SVEP1: variants seen among roughly 807,000 people sequenced by gnomAD.
SVEP1 encodes sushi, von Willebrand factor type A, EGF and pentraxin domain containing 1.
SVEP1 carries 164 observed loss-of-function variants against 367.3 expected under a neutral mutation model. The observed-to-expected ratio is 0.45, with a 90% CI of 0.39 to 0.51. SVEP1 has a LOEUF of 0.51. Ranked by LOEUF, SVEP1 falls within the 20% of genes least tolerant of loss-of-function variation. The probability of loss-of-function intolerance (pLI) is 0.00; values close to 1 mark genes in which losing one functional copy is unlikely to be tolerated. For missense variants in SVEP1, 4,117 were observed against 4,425.3 expected (o/e 0.93, Z 1.98); for synonymous variants, 1,666 against 1,611.6 (o/e 1.03, Z -0.81).
Position 110,377,352 on chromosome 9 carries a change from G to A in SVEP1, c.10423C>T (p.Pro3475Ser), listed in dbSNP as rs769114581. ...PPICRAVCRF[P>S]CQNGGICQRP... ...TGGCAGATGCCCCCATTCTGACATG[G>A]AAATCGACAGACAGCTGGAAAAGAA... Residue 3475 changes from proline (P) to serine (S), a missense_variant, in exon 45 of 48, where the codon CCA becomes TCA. Pro to Ser is a moderately conservative substitution (Grantham distance 74). Transcript: ENST00000374469. The A allele has an allele frequency of 6.2e-7, 1 of 1,613,738 alleles. No individual in the cohort carries two copies.
In SVEP1 at chr9:110,577,249, A is replaced by G. The variant is rs1356311297; in HGVS notation, c.531+1764T>C. ...ACTACCAGATATTTAAATATGTTGTAAAGTTACAATAGTTAAAACATTTTG... is the reference window on the plus strand; with the variant it reads ...ACTACCAGATATTTAAATATGTTGTGAAGTTACAATAGTTAAAACATTTTG... On this transcript the variant is annotated intron_variant, in intron 1 of 47. Transcript: ENST00000374469. 1.3e-5 allele frequency among the ~76,000 whole-genome samples: 2 copies of G among 152,140 alleles called. 1 individual carries two copies. Among genetic ancestry groups the G allele is most frequent in the South Asian group, 4.1e-4 (2 of 4,830 alleles).
chr9:110,561,679 T>C (rs1190389430), intron 1 of SVEP1, among the ~76,000 whole-genome samples: 1 of 152,202 alleles, frequency 6.6e-6, no homozygotes, highest in Non-Finnish European at 1.5e-5. Context: ...TTACCAATTG[T>C]ATTATTTGAT....
chr9:110,486,628 T>C (rs1829281109), intron 9 of SVEP1, among the ~76,000 whole-genome samples: 1 of 148,704 alleles, frequency 6.7e-6, no homozygotes, highest in African/African-American at 2.5e-5. Context: ...TCCTTCTCCT[T>C]CCTTCTCTTT....
chr9:110,570,467 CGTGT>C (rs59503025), intron 1 of SVEP1, among the ~76,000 whole-genome samples: 15,571 of 146,870 alleles, frequency 0.11, 975 homozygotes, highest in East Asian at 0.31. Flanking sequence ...GTTTCTGTTG[CGTGT>C]GTGTGTGTGT....
chr9:110,560,608 C>A (rs956661838), intron 1 of SVEP1, among the ~76,000 whole-genome samples: 2 of 152,118 alleles, frequency 1.3e-5, no homozygotes, highest in African/African-American at 4.8e-5. Flanking sequence ...CAGTATACAC[C>A]TCTGTCTGAA....
Position 110,549,993 on chromosome 9 carries a change from C to T in SVEP1, c.643G>A (p.Gly215Arg). The T allele has an allele frequency of 6.2e-7, 1 of 1,613,876 alleles. No homozygotes were observed. The highest frequency in any genetic ancestry group is 1.1e-5 in the South Asian group (1 of 91,078). ...ATGCCAAAAGTGAAGATCTCCACTC[C>T]TGAATCTCGCAGTGACGCTGCAATT... is the stretch of plus-strand genomic sequence containing the variant. ...RPIAASLRDS[G>R]VEIFTFGIWQ... is the part of the protein sequence containing the mutation. Residue 215 changes from glycine (G) to arginine (R), a missense_variant, in exon 2 of 48, where the codon GGA (glycine) becomes AGA (arginine). Gly to Arg is a moderately radical substitution (Grantham distance 125). Transcript: ENST00000374469.
chr9:110,466,756 A>G (rs28549252), intron 17 of SVEP1, among the ~76,000 whole-genome samples: 62,387 of 80,016 alleles, frequency 0.78, 25,236 homozygotes, highest in East Asian at 0.99. Context: ...GCGAGACTCC[A>G]TCTCAAAAAA....
In SVEP1 at chr9:110,443,648, A is replaced by G. The variant is rs1828547896; in HGVS notation, c.4536T>C (p.His1512=). The change falls in exon 27 of 48, where the codon CAT becomes CAC. Residue 1512 remains histidine (H), a synonymous_variant. Coordinates refer to ENST00000374469, the MANE Select transcript of SVEP1 (RefSeq NM_153366.4). ...CPSVNDGRWH[H]IAITWTSANG... is the part of the protein sequence containing the mutation. ...TGGCACTTGTCCAAGTGATTGCAAT[A>G]TGATGCCATCTGCCATCATTCACCG... The G allele has an allele frequency of 6.2e-7, 1 of 1,613,240 alleles. No homozygotes were observed. The highest frequency in any genetic ancestry group is 8.5e-7 in the Non-Finnish European group (1 of 1,179,618).
chr9:110,389,020 G>T (rs1827572457), intron 41 of SVEP1, among the ~76,000 whole-genome samples: 1 of 152,154 alleles, frequency 6.6e-6, no homozygotes, highest in Non-Finnish European at 1.5e-5. Context: ...CTTTGGCAGA[G>T]AAGGGAATAC....
At chr9:110,549,712 C>A in intron 2 of SVEP1, 137 bp downstream of exon 2, 2 of 1,142,792 alleles carry the variant, frequency 1.8e-6, no homozygotes, top group South Asian at 3.2e-5. Flanking sequence ...TTTCATGATG[C>A]CCAAAGGACA....
chr9:110,369,873 A>C (rs770668722), intron 47 of SVEP1, 50 bp downstream of exon 47: 2 of 1,508,096 alleles, frequency 1.3e-6, no homozygotes, highest in South Asian at 1.2e-5. Context: ...ATTTACTTGA[A>C]TTTTAGAGTC....
chr9:110,476,340 A>G (rs1184408147), intron 13 of SVEP1, 25 bp from the exon 14 acceptor site: 7 of 1,555,174 alleles, frequency 4.5e-6, no homozygotes, highest in Admixed American at 1.7e-5. Context: ...TGAAGAGGAT[A>G]AAGTGTAAAT....
intron 40 of SVEP1, among the ~76,000 whole-genome samples, chr9:110,397,606 G>T (rs1240668723): frequency 1.3e-5 from 2 of 151,798 alleles, no homozygotes; most frequent in African/African-American, 4.9e-5. Context: ...CATTGTCTCA[G>T]CCCAAAATCT....
At chr9:110,381,658 G>A (rs1827438869) in intron 43 of SVEP1, among the ~76,000 whole-genome samples, 1 of 152,152 alleles carries the variant, frequency 6.6e-6, no homozygotes, top group African/African-American at 2.4e-5. Context: ...TGAGAAGAAT[G>A]TATATTCTGT....
chr9:110,373,556 G>A (rs1019498150), intron 46 of SVEP1, among the ~76,000 whole-genome samples: 2 of 151,206 alleles, frequency 1.3e-5, no homozygotes, highest in Non-Finnish European at 2.9e-5. Flanking sequence ...TGAGGAGGTG[G>A]TATAAACATT....
At chr9:110,502,149 C>T (rs1829543532) in intron 6 of SVEP1, among the ~76,000 whole-genome samples, 1 of 141,238 alleles carries the variant, frequency 7.1e-6, no homozygotes, top group African/African-American at 2.7e-5. Context: ...GTCGCTGGGG[C>T]TAGAGTGCAG....
intron 13 of SVEP1, among the ~76,000 whole-genome samples, chr9:110,478,980 G>A (rs1190473672): frequency 1.3e-5 from 2 of 151,154 alleles, no homozygotes; most frequent in Non-Finnish European, 2.9e-5. Flanking sequence ...AGTGCATGGC[G>A]CGATCTGGTT....
At chr9:110,405,443 G>A (rs12001140) in intron 38 of SVEP1, among the ~76,000 whole-genome samples, 1 of 141,392 alleles carries the variant, frequency 7.1e-6, no homozygotes, top group Non-Finnish European at 1.5e-5. Context: ...GAATACCTAC[G>A]TGGACTCAGA....
chr9:110,438,952 T>A (rs917201539), intron 27 of SVEP1, among the ~76,000 whole-genome samples: 1 of 152,218 alleles, frequency 6.6e-6, no homozygotes, highest in Non-Finnish European at 1.5e-5. Context: ...AAACTCAGTA[T>A]GTCGAAAACC....
Sources: allele counts gnomAD v4.1 joint callset (sites outside exome capture counted in the v4.1 genomes callset), GRCh38; gene constraint gnomAD v4.1.1; transcripts MANE v1.5; gene names NCBI Gene and HGNC (gene_info 2026-07-23, HGNC 2026-07-21).